PALM2AKAP2: variants seen among roughly 807,000 people sequenced by gnomAD.
The protein encoded by PALM2AKAP2 is PALM2-AKAP2 fusion protein.
Under a neutral mutation model 71.5 loss-of-function variants are expected in PALM2AKAP2, and 37 were observed. The ratio of observed to expected loss-of-function variants is 0.52; its 90% CI spans 0.40 to 0.68. The LOEUF (loss-of-function observed/expected upper bound fraction) is 0.68. Ranked by LOEUF, PALM2AKAP2 falls within the 30% of genes least tolerant of loss-of-function variation. The pLI, the probability that PALM2AKAP2 is intolerant of heterozygous loss-of-function variation, is 0.00. For synonymous variants in PALM2AKAP2, 468 were observed against 478.8 expected (o/e 0.98, Z 0.29); for missense variants, 1,224 against 1,191.8 (o/e 1.03, Z -0.40).
intron 1 of PALM2AKAP2, among the ~76,000 whole-genome samples, chr9:109,744,668 C>T (rs941453770): frequency 2.0e-5 from 3 of 152,118 alleles, no homozygotes; most frequent in Non-Finnish European, 2.9e-5. Context: ...CTTTATTGCC[C>T]CTTAATATAA....
chr9:110,160,916 A>G lies in PALM2AKAP2; in HGVS notation c.2748+4419A>G, dbSNP rs148931479. Among the ~76,000 whole-genome samples, 94 of 152,188 alleles carry G rather than the reference A, an allele frequency of 6.2e-4. No homozygotes were observed. The East Asian group carries it at 0.016, about 26-fold the overall frequency. On this transcript the variant is annotated intron_variant, in intron 3 of 3. Transcript: ENST00000374525. ...CTGTCTCATCTTAGAACAAGAGAAG[A>G]CCTCGTCGGTTTTCCTGGGCTACGT...
intron 1 of PALM2AKAP2, among the ~76,000 whole-genome samples, chr9:109,729,598 C>G (rs10816859): frequency 0.4 from 60,855 of 151,958 alleles, 12,336 homozygotes; most frequent in South Asian, 0.52. Context: ...CCCAACAGCC[C>G]CTTGGTAGAG....
chr9:110,014,798 AAAAAAATGTATATATATATAT>A (rs1487196228), intron 6 of PALM2AKAP2, among the ~76,000 whole-genome samples: 8 of 57,156 alleles, frequency 1.4e-4, no homozygotes, highest in African/African-American at 5.3e-4. Flanking sequence ...AAAAAAAAAA[AAAAAAATGTATATATATATAT>A]ATATATATAT....
intron 1 of PALM2AKAP2, among the ~76,000 whole-genome samples, chr9:109,866,304 G>A (rs1228442733): frequency 6.6e-6 from 1 of 152,184 alleles, no homozygotes; most frequent in South Asian, 2.1e-4. Flanking sequence ...TTTGGCTGTT[G>A]TATTGTCAAA....
At chr9:109,719,962 A>G (rs1348440286) in intron 1 of PALM2AKAP2, among the ~76,000 whole-genome samples, 13 of 152,094 alleles carry the variant, frequency 8.5e-5, no homozygotes, top group Admixed American at 8.5e-4. Flanking sequence ...CATGATAGCT[A>G]CTAAAGATAA....
At chr9:110,162,735 C>A (rs916129250) in intron 3 of PALM2AKAP2, among the ~76,000 whole-genome samples, 1 of 152,172 alleles carries the variant, frequency 6.6e-6, no homozygotes, top group East Asian at 1.9e-4. Flanking sequence ...CAAGGTCTTA[C>A]TCTGTTGCCC....
At chr9:110,079,656 A>G (rs1305518590) in intron 1 of PALM2AKAP2, among the ~76,000 whole-genome samples, 2 of 152,178 alleles carry the variant, frequency 1.3e-5, no homozygotes, top group Admixed American at 1.3e-4. Flanking sequence ...GATTCTATGT[A>G]TCTGTCTAGA....
chr9:109,659,937 C>A (rs946906624), intron 1 of PALM2AKAP2, among the ~76,000 whole-genome samples: 1 of 152,016 alleles, frequency 6.6e-6, no homozygotes, highest in Non-Finnish European at 1.5e-5. Context: ...ACCTCTCAGG[C>A]TCAAGTGATT....
chr9:109,712,016 T>A (rs1193198024), intron 1 of PALM2AKAP2, among the ~76,000 whole-genome samples: 2 of 151,084 alleles, frequency 1.3e-5, no homozygotes, highest in Non-Finnish European at 3.0e-5. Flanking sequence ...TGTGTGTGTG[T>A]GTGTGAGCAA....
intron 1 of PALM2AKAP2, among the ~76,000 whole-genome samples, chr9:109,856,310 G>GC (rs1372561492): frequency 2.6e-5 from 4 of 152,218 alleles, no homozygotes; most frequent in African/African-American, 9.6e-5. Flanking sequence ...TCTATTAGCA[G>GC]CAGACTGCTA....
intron 1 of PALM2AKAP2, chr9:110,127,692 TGTC>T (rs1174731273): frequency 4.6e-5 from 7 of 152,264 alleles, no homozygotes; most frequent in Admixed American, 4.6e-4. Flanking sequence ...TTCTCCTTCC[TGTC>T]GTCGTTAGCA....
At chr9:109,693,256 T>C (rs1344533724) in intron 1 of PALM2AKAP2, among the ~76,000 whole-genome samples, 1 of 151,918 alleles carries the variant, frequency 6.6e-6, no homozygotes, top group Non-Finnish European at 1.5e-5. Flanking sequence ...AAATTTGTTG[T>C]CACAAAGTTT....
chr9:110,103,104 C>G (rs1484436836), intron 1 of PALM2AKAP2, among the ~76,000 whole-genome samples: 1 of 152,168 alleles, frequency 6.6e-6, no homozygotes, highest in Non-Finnish European at 1.5e-5. Context: ...CTCATGGAAA[C>G]CTCCCCTGAC....
Position 109,816,948 on chromosome 9 carries a change from G to A in PALM2AKAP2, c.45+36415G>A, listed in dbSNP as rs192282996. ...GACAACTACCAGTTTGTCTGGAGGC[G>A]GTACAAATACTCTTCTAATATTTTT... On this transcript the variant is annotated intron_variant, in intron 1 of 9. Coordinates refer to the PALM2AKAP2 transcript ENST00000302798. 3.9e-4 allele frequency among the ~76,000 whole-genome samples: 60 copies of A among 152,156 alleles called. No homozygotes were observed. The East Asian group carries it at 7.3e-3, about 19-fold the overall frequency.
At chr9:109,830,500 C>T (rs897428506) in intron 1 of PALM2AKAP2, among the ~76,000 whole-genome samples, 3 of 152,106 alleles carry the variant, frequency 2.0e-5, no homozygotes, top group Non-Finnish European at 4.4e-5. Context: ...CCTTTTCATG[C>T]CTGCCTTTCC....
chr9:110,155,623 C>T (rs1320975623), intron 2 of PALM2AKAP2, among the ~76,000 whole-genome samples: 5 of 152,274 alleles, frequency 3.3e-5, no homozygotes, highest in African/African-American at 1.2e-4. Context: ...TTTTCCATTG[C>T]CTTTGTTGGT....
chr9:109,999,602 A>C (rs751815562), intron 6 of PALM2AKAP2, among the ~76,000 whole-genome samples: 1 of 152,098 alleles, frequency 6.6e-6, no homozygotes, highest in South Asian at 2.1e-4. Flanking sequence ...CAGAACTAAC[A>C]CTTCTCATTT....
chr9:110,117,123 G>C (rs1453040293), intron 1 of PALM2AKAP2, among the ~76,000 whole-genome samples: 1 of 151,858 alleles, frequency 6.6e-6, no homozygotes, highest in African/African-American at 2.4e-5. Flanking sequence ...TTTGTTTCTT[G>C]TTTGTTTGCC....
At chr9:110,098,817 T>C (rs1834923927) in intron 1 of PALM2AKAP2, among the ~76,000 whole-genome samples, 1 of 152,216 alleles carries the variant, frequency 6.6e-6, no homozygotes, top group Admixed American at 6.5e-5. Context: ...CTGCAGGTAT[T>C]CTCATTTCCA....
Sources: allele counts gnomAD v4.1 joint callset (sites outside exome capture counted in the v4.1 genomes callset), GRCh38; gene constraint gnomAD v4.1.1; transcripts MANE v1.5; gene names NCBI Gene and HGNC (gene_info 2026-07-23, HGNC 2026-07-21).